The following ACAA1 variants were observed in gnomAD, a reference collection of about 807,000 sequenced individuals.
ACAA1 encodes the protein 3-ketoacyl-CoA thiolase, peroxisomal.
A neutral mutation model predicts 48.8 loss-of-function variants in ACAA1; 44 were observed. The ratio of observed to expected loss-of-function variants is 0.90; its 90% confidence interval spans 0.71 to 1.16. The LOEUF (loss-of-function observed/expected upper bound fraction) is 1.16, where lower values mean the gene tolerates loss of function less well. ACAA1 is among the 50% of genes most tolerant of loss of function. ACAA1 has a pLI of 0.00. For synonymous variants in ACAA1, 233 were observed against 226.5 expected (o/e 1.03, Z -0.26); for missense variants, 512 against 562.3 (o/e 0.91, Z 0.90).
chr3:38,131,664 T>A (rs150144408), intron 4 of ACAA1, 26 bp from the exon 5 acceptor site: 16,725 of 1,613,650 alleles, frequency 0.01, 158 homozygotes, highest in Non-Finnish European at 0.011. Flanking sequence ...TTCATAAACA[T>A]CCTTTGCCAG....
intron 1 of ACAA1, 39 bp downstream of exon 1, chr3:38,136,826 C>G (rs1432850489): frequency 1.0e-5 from 15 of 1,490,122 alleles, no homozygotes; most frequent in African/African-American, 1.4e-5. Context: ...CCCGCGCCGG[C>G]GTCTTCCCAC....
At position 38,126,257 on chromosome 3, in the gene ACAA1, A is replaced by G. The variant is rs777522544; in HGVS notation, c.902T>C (p.Leu301Pro). 6.8e-6 allele frequency: 11 copies of G among 1,614,228 alleles called. No homozygotes were observed. Among genetic ancestry groups the G allele is most frequent in the South Asian group, 4.4e-5 (4 of 91,088 alleles). ...CACTGCATAAGACCTCAGGACCCCAAGGATGGGAAGGCCCAACTCTTCTGC... is the reference window on the plus strand; with the variant it reads ...CACTGCATAAGACCTCAGGACCCCAGGGATGGGAAGGCCCAACTCTTCTGC... ...SKAEELGLPI[L>P]GVLRSYAVVG... Residue 301 changes from leucine (L) to proline (P), a missense_variant, in exon 9 of 12, where the codon CTT (leucine) becomes CCT (proline). Leu to Pro is a moderately conservative substitution (Grantham distance 98, BLOSUM62 -3). Coordinates refer to ENST00000333167, the MANE Select transcript of ACAA1 (RefSeq NM_001607.4). This position sits in a 1 kb window ranked among gnomAD's most constrained non-coding sequence, Gnocchi z 4.7.
intron 3 of ACAA1, chr3:38,132,360 ATC>A: frequency 5.9e-6 from 1 of 168,174 alleles, no homozygotes; most frequent in Non-Finnish European, 1.3e-5. Context: ...AAAACTGTGT[ATC>A]TCTGTTTCCC....
intron 11 of ACAA1, chr3:38,123,895 G>GGAGGCT (rs567256141): frequency 2.6e-5 from 4 of 151,802 alleles, no homozygotes; most frequent in Non-Finnish European, 4.4e-5. Flanking sequence ...CAGATACTCG[G>GGAGGCT]GAGGCTGAGG....
chr3:38,125,635 G>A lies in ACAA1; in HGVS notation c.1129C>T (p.His377Tyr), dbSNP rs1481791347. 3.8e-6 allele frequency: 6 copies of A among 1,598,344 alleles called. No homozygotes were observed. The highest frequency in any genetic ancestry group is 2.7e-5 in the African/African-American group (2 of 74,560). ...NPLGGAVALG[H>Y]PLGCTGARQV... ...CGTGCCCCAGTGCAGCCCAGTGGGTGCCCTAAGGCCACTGCACCCCCCAGG... is the reference window on the plus strand; with the variant it reads ...CGTGCCCCAGTGCAGCCCAGTGGGTACCCTAAGGCCACTGCACCCCCCAGG... Residue 377 changes from histidine (H) to tyrosine (Y), a missense_variant, in exon 11 of 12, where the codon CAC becomes TAC. Coordinates refer to ENST00000333167, the MANE Select transcript of ACAA1 (RefSeq NM_001607.4).
chr3:38,131,616 A>T lies in ACAA1; in HGVS notation c.426T>A (p.Tyr142Ter). ...CTTACCCACAGGCCATGCCAATGTC[A>T]TAAGACCCATTTCTGATGCCACCTG... The part of the protein sequence containing the change: ...SIAGGIRNGS[Y>*]DIGMACGVES... Residue 142 changes from tyrosine to a stop codon, truncating the protein, a stop_gained, in exon 5 of 12, where the codon TAT (tyrosine) becomes TAA (stop). Coordinates refer to ENST00000333167, the MANE Select transcript of ACAA1 (RefSeq NM_001607.4). LOFTEE classifies it high-confidence loss of function. 3.7e-6 allele frequency: 6 copies of T among 1,614,242 alleles called. No homozygotes were observed. Among genetic ancestry groups the T allele is most frequent in the Non-Finnish European group, 4.2e-6 (5 of 1,180,042 alleles).
rs376130915 is a variant in ACAA1 at position 38,126,659 on chromosome 3, A to T, written c.668T>A (p.Ile223Asn). The part of the protein sequence containing the change: ...AQSKGCFQAE[I>N]VPVTTTVHDD... ...ATGGACCGTGGTGGTCACAGGCACA[A>T]TCTCAGCTTGGAAACAGCCCTTGCT... is the stretch of plus-strand genomic sequence containing the variant. Residue 223 changes from isoleucine (I) to asparagine (N), a missense_variant, in exon 8 of 12, where the codon ATT becomes AAT. Ile to Asn is a moderately radical substitution (Grantham distance 149). Transcript: ENST00000333167. The surrounding 1 kb of genome is among the most constrained non-coding windows in gnomAD (Gnocchi z 4.7). The T allele has an allele frequency of 6.8e-6, 11 of 1,614,032 alleles. No homozygotes were observed. The highest frequency in any genetic ancestry group is 8.5e-6 in the Non-Finnish European group (10 of 1,179,996).
chr3:38,131,911 CCAGT>C lies in ACAA1; in HGVS notation c.403+11_403+14del. 6.2e-7 allele frequency: 1 copy of C among 1,611,252 alleles called. No homozygotes were observed. ...ACAGGTCCAGGACCAAGGCACCCAC[CCAGT>C]CATAACTTACCTGCTATGCTGGCCA... On this transcript the variant is annotated intron_variant, in intron 4 of 11. Transcript: ENST00000333167.
intron 2 of ACAA1, 126 bp downstream of exon 2, chr3:38,136,466 G>T: frequency 1.1e-6 from 1 of 924,748 alleles, no homozygotes; most frequent in East Asian, 2.6e-5. Flanking sequence ...GAAGGGGCAG[G>T]ACCCCTTCAA....
At position 38,131,919 on chromosome 3, in the gene ACAA1, A is replaced by T; in HGVS notation, c.403+7T>A. ...AGGACCAAGGCACCCACCCAGTCATAACTTACCTGCTATGCTGGCCACTGC... is the reference window on the plus strand; with the variant it reads ...AGGACCAAGGCACCCACCCAGTCATTACTTACCTGCTATGCTGGCCACTGC... On this transcript the variant is annotated splice_region_variant and intron_variant, in intron 4 of 11. Transcript: ENST00000333167. 3 of 1,613,048 alleles carry T rather than the reference A, an allele frequency of 1.9e-6. No individual in the cohort carries two copies. Among genetic ancestry groups the T allele is most frequent in the Non-Finnish European group, 1.7e-6 (2 of 1,179,108 alleles).
intron 2 of ACAA1, 55 bp from the exon 3 acceptor site, chr3:38,134,064 G>C (rs1184995041): frequency 6.5e-7 from 1 of 1,536,702 alleles, no homozygotes; most frequent in African/African-American, 1.4e-5. Flanking sequence ...GGGCACTAAA[G>C]TATAGCTGTG....
At position 38,129,439 on chromosome 3, in the gene ACAA1, G is replaced by T; in HGVS notation, c.447-51C>A. The T allele has an allele frequency of 1.4e-6, 2 of 1,410,498 alleles. No homozygotes were observed. The highest frequency in any genetic ancestry group is 2.0e-6 in the Non-Finnish European group (2 of 999,628). The allele number at this position is 1,410,498 out of a possible 1,614,324, so 87.4% of individuals were successfully genotyped here. A position where few individuals can be genotyped will look rare whatever the true frequency, so the allele number is the denominator to read the frequency against. On this transcript the variant is annotated intron_variant, in intron 5 of 11. Coordinates refer to ENST00000333167, the MANE Select transcript of ACAA1 (RefSeq NM_001607.4). This position sits in a 1 kb window ranked among gnomAD's most constrained non-coding sequence, Gnocchi z 5.3. Reference sequence around the variant, plus strand: ...GGTAAGGTGAACTGGGCCCTAGCAGGACTCCTCCAGAGATAGCTGAACACT... The same window carrying T: ...GGTAAGGTGAACTGGGCCCTAGCAGTACTCCTCCAGAGATAGCTGAACACT...
chr3:38,133,997 T>C lies in ACAA1; in HGVS notation c.278A>G (p.Gln93Arg), dbSNP rs1281120608. The C allele has an allele frequency of 6.2e-7, 1 of 1,613,770 alleles. No homozygotes were observed. The highest frequency in any genetic ancestry group is 8.5e-7 in the Non-Finnish European group (1 of 1,179,854). ...LGDICVGNVL[Q>R]PGAGAIMARI... ...GGCCATGATTGCCCCGGCCCCAGGC[T>C]GCAGCACATTTCCTGTGGACAACAA... Residue 93 changes from glutamine (Q) to arginine (R), a missense_variant, in exon 3 of 12, where the codon CAG (glutamine) becomes CGG (arginine). By Grantham distance (43) the Gln-to-Arg change is conservative (BLOSUM62 1). Coordinates refer to ENST00000333167, the MANE Select transcript of ACAA1 (RefSeq NM_001607.4).
intron 2 of ACAA1, among the ~76,000 whole-genome samples, chr3:38,135,990 C>T (rs796589009): frequency 7.2e-5 from 11 of 152,302 alleles, no homozygotes; most frequent in African/African-American, 2.4e-4. Context: ...GAGGTCCCTG[C>T]GGCCTTTCGC....
rs1409464064 is a variant in ACAA1 at position 38,126,125 on chromosome 3, G to A, written c.997+37C>T. The A allele has an allele frequency of 6.2e-7, 1 of 1,601,506 alleles. No individual in the cohort carries two copies. Among genetic ancestry groups the A allele is most frequent in the Non-Finnish European group, 8.5e-7 (1 of 1,172,978 alleles). On this transcript the variant is annotated intron_variant, in intron 9 of 11. Coordinates refer to ENST00000333167, the MANE Select transcript of ACAA1 (RefSeq NM_001607.4). This position sits in a 1 kb window ranked among gnomAD's most constrained non-coding sequence, Gnocchi z 4.7. Reference sequence around the variant, plus strand: ...GCATGCAGGGCAGCTGCAGGATCCAGGTGGGACCCAGATACTATATGAAGG... The same window carrying A: ...GCATGCAGGGCAGCTGCAGGATCCAAGTGGGACCCAGATACTATATGAAGG...
intron 11 of ACAA1, chr3:38,124,603 T>C (rs1700635952): frequency 6.6e-6 from 1 of 152,160 alleles, no homozygotes; most frequent in Admixed American, 6.5e-5. Context: ...TAAGACCCTG[T>C]CTCAACAAAC....
chr3:38,126,011 G>C lies in ACAA1; in HGVS notation c.998-130C>G. ...AAGGGTGAGCCAATCCCAGCTGTGG[G>C]GTCAGGAAGGGCTTGAAGTATGGGA... is the stretch of plus-strand genomic sequence containing the variant. On this transcript the variant is annotated intron_variant, in intron 9 of 11. Coordinates refer to ENST00000333167, the MANE Select transcript of ACAA1 (RefSeq NM_001607.4). The surrounding 1 kb of genome is among the most constrained non-coding windows in gnomAD (Gnocchi z 4.7). 3.4e-6 allele frequency: 5 copies of C among 1,484,698 alleles called. No individual in the cohort carries two copies. In the South Asian group the frequency reaches 4.7e-5, roughly 14 times the overall value. 92.0% of individuals were successfully genotyped at this position (1,484,698 alleles called of 1,614,324 possible). A position where few individuals can be genotyped will look rare whatever the true frequency, so the allele number is the denominator to read the frequency against.
intron 1 of ACAA1, 79 bp downstream of exon 1, chr3:38,136,785 AG>A: frequency 2.0e-6 from 3 of 1,484,602 alleles, no homozygotes; most frequent in Non-Finnish European, 2.7e-6. Flanking sequence ...TCCGGCGTCC[AG>A]GATAACCAAA....
In ACAA1 at chr3:38,136,964, C is replaced by T. The variant is rs1373133306; in HGVS notation, c.72G>A (p.Ala24=). ...CCTGCGGGGCACCGCTCAGGCAAGG[C>T]GCGGCCTGCGGCATCCAGCCGGAAT... ...PADSGWMPQA[A]PCLSGAPQAS... Residue 24 remains alanine (A), a synonymous_variant, in exon 1 of 12, where the codon GCG becomes GCA. Transcript: ENST00000333167. 1 of 1,552,928 alleles carries T rather than the reference C, an allele frequency of 6.4e-7. No homozygotes were observed. The highest frequency in any genetic ancestry group is 8.7e-7 in the Non-Finnish European group (1 of 1,151,262).
Sources: gnomAD v4.1 joint callset for allele counts (sites outside exome capture counted in the v4.1 genomes callset) on GRCh38, gnomAD v4.1.1 for gene constraint, Gnocchi (gnomAD v3.1) non-coding constraint, MANE v1.5 for transcripts, NCBI Gene and HGNC (gene_info 2026-07-23, HGNC 2026-07-21) for gene names.